Variants in SGCZ observed in about 807,000 individuals in gnomAD.
SGCZ encodes zeta-sarcoglycan.
Under a neutral mutation model 41.3 loss-of-function variants are expected in SGCZ, and 40 were observed. That is an observed-to-expected ratio of 0.97 (90% CI 0.75 to 1.26). The LOEUF (loss-of-function observed/expected upper bound fraction) is 1.26, where lower values mean the gene tolerates loss of function less well. SGCZ is among the 50% of genes most tolerant of loss of function. The pLI is 0.00. For synonymous variants in SGCZ, 206 were observed against 137.5 expected, an observed-to-expected ratio of 1.50 and a Z score of -3.49; for missense variants, 552 against 369.8, an observed-to-expected ratio of 1.49 and a Z score of -4.04.
chr8:14,939,461 A>T (rs945831607), intron 1 of SGCZ, among the ~76,000 whole-genome samples: 3 of 152,144 alleles, frequency 2.0e-5, no homozygotes, highest in African/African-American at 7.2e-5. Flanking sequence ...ACACTCCCCA[A>T]AACAAATTTA....
At chr8:14,315,697 A>G (rs1234195420) in intron 3 of SGCZ, among the ~76,000 whole-genome samples, 2 of 152,064 alleles carry the variant, frequency 1.3e-5, no homozygotes, top group Non-Finnish European at 2.9e-5. Flanking sequence ...TTGAAACAGA[A>G]AATATTGAAA....
intron 2 of SGCZ, among the ~76,000 whole-genome samples, chr8:14,441,610 C>G (rs1044279566): frequency 1.3e-5 from 2 of 152,064 alleles, no homozygotes; most frequent in African/African-American, 4.8e-5. Context: ...ATAAAATGAT[C>G]ATTTCATTTC....
At chr8:14,923,612 G>T (rs1032598687) in intron 1 of SGCZ, among the ~76,000 whole-genome samples, 2 of 152,110 alleles carry the variant, frequency 1.3e-5, no homozygotes, top group Non-Finnish European at 2.9e-5. Flanking sequence ...ACTGCATAAG[G>T]TAAGGGAATT....
intron 2 of SGCZ, among the ~76,000 whole-genome samples, chr8:14,415,336 T>C (rs893401795): frequency 5.9e-5 from 9 of 151,938 alleles, no homozygotes; most frequent in Non-Finnish European, 1.3e-4. Context: ...AATGCAAATG[T>C]ATTATACTTT....
intron 3 of SGCZ, among the ~76,000 whole-genome samples, chr8:14,280,945 G>GTT (rs67992912): frequency 1.3e-5 from 2 of 151,312 alleles, no homozygotes; most frequent in African/African-American, 4.8e-5. Flanking sequence ...GAATAAAAGT[G>GTT]TTTTTTCTAA....
intron 2 of SGCZ, among the ~76,000 whole-genome samples, chr8:14,538,811 T>G (rs941645047): frequency 6.6e-6 from 1 of 151,854 alleles, no homozygotes; most frequent in African/African-American, 2.4e-5. Context: ...TGTTAGGCAA[T>G]GAAGAGTCTT....
intron 1 of SGCZ, among the ~76,000 whole-genome samples, chr8:14,574,381 C>T (rs919615206): frequency 9.9e-5 from 15 of 152,090 alleles, no homozygotes; most frequent in Non-Finnish European, 2.1e-4. Context: ...TCCCTAAAGC[C>T]AGCCATAAAG....
chr8:14,857,702 A>C (rs1447061171), intron 1 of SGCZ, among the ~76,000 whole-genome samples: 2 of 151,916 alleles, frequency 1.3e-5, no homozygotes, highest in South Asian at 2.1e-4. Context: ...CTTCTCTACT[A>C]AAAATACAAA....
intron 1 of SGCZ, among the ~76,000 whole-genome samples, chr8:15,221,986 A>T (rs1395495898): frequency 6.6e-6 from 1 of 152,170 alleles, no homozygotes; most frequent in Non-Finnish European, 1.5e-5. Context: ...TAGCACTTAC[A>T]TTTCAAAATG....
In SGCZ at chr8:15,194,495, T is replaced by A. The variant is rs76961592; in HGVS notation, c.39+43090A>T. On this transcript the variant is annotated intron_variant, in intron 1 of 7. Transcript: ENST00000382080. ...TGTCACCTTACCTTGCAAAAGGGACTTTGCAGATGTCATTAAACTAAGGGC... is the reference window on the plus strand; with the variant it reads ...TGTCACCTTACCTTGCAAAAGGGACATTGCAGATGTCATTAAACTAAGGGC... Among the ~76,000 whole-genome samples, 161 of 152,280 alleles carry A rather than the reference T, an allele frequency of 1.1e-3. 1 individual carries two copies. The East Asian group carries it at 0.029, about 28-fold the overall frequency.
At chr8:14,680,706 A>T (rs913485874) in intron 1 of SGCZ, among the ~76,000 whole-genome samples, 1 of 150,864 alleles carries the variant, frequency 6.6e-6, no homozygotes, top group Non-Finnish European at 1.5e-5. Flanking sequence ...AATTAGTGAA[A>T]AAATACATTA....
At chr8:14,152,055 C>G (rs1340600102) in intron 5 of SGCZ, among the ~76,000 whole-genome samples, 1 of 151,826 alleles carries the variant, frequency 6.6e-6, no homozygotes, top group East Asian at 1.9e-4. Flanking sequence ...ACCAAAAGCA[C>G]AATTCATTTA....
At chr8:14,905,215 C>T (rs572729657) in intron 1 of SGCZ, among the ~76,000 whole-genome samples, 7 of 151,942 alleles carry the variant, frequency 4.6e-5, no homozygotes, top group African/African-American at 1.7e-4. Context: ...ACAAACACTT[C>T]CTTAATCATT....
chr8:14,698,598 A>C (rs181362516), intron 1 of SGCZ, among the ~76,000 whole-genome samples: 56 of 152,048 alleles, frequency 3.7e-4, no homozygotes, highest in African/African-American at 1.3e-3. Context: ...ACTTAATACA[A>C]ATTGCATGTT....
At chr8:14,722,455 T>A (rs1378744038) in intron 1 of SGCZ, among the ~76,000 whole-genome samples, 1 of 152,096 alleles carries the variant, frequency 6.6e-6, no homozygotes, top group Non-Finnish European at 1.5e-5. Context: ...ACTTTATTAT[T>A]ATAATAAAAC....
chr8:15,088,135 T>A (rs1227244170), intron 1 of SGCZ, among the ~76,000 whole-genome samples: 1 of 152,128 alleles, frequency 6.6e-6, no homozygotes, highest in Non-Finnish European at 1.5e-5. Context: ...GGCAGTGCAA[T>A]ATGCATGATA....
At chr8:14,599,789 C>T (rs1805529049) in intron 1 of SGCZ, among the ~76,000 whole-genome samples, 1 of 152,074 alleles carries the variant, frequency 6.6e-6, no homozygotes, top group Non-Finnish European at 1.5e-5. Context: ...TAAGTTGTTC[C>T]CTCTCTTCAG....
intron 5 of SGCZ, among the ~76,000 whole-genome samples, chr8:14,148,407 A>G (rs1344987639): frequency 6.6e-6 from 1 of 152,106 alleles, no homozygotes; most frequent in African/African-American, 2.4e-5. Flanking sequence ...ATGAGCAACT[A>G]TATGACAACA....
At chr8:14,903,475 G>T (rs1799032949) in intron 1 of SGCZ, among the ~76,000 whole-genome samples, 1 of 152,032 alleles carries the variant, frequency 6.6e-6, no homozygotes, top group Non-Finnish European at 1.5e-5. Context: ...AATGCAAATG[G>T]GTTATCTGGG....
Sources: gnomAD v4.1 joint callset for allele counts (sites outside exome capture counted in the v4.1 genomes callset) on GRCh38, gnomAD v4.1.1 for gene constraint, MANE v1.5 for transcripts, NCBI Gene and HGNC (gene_info 2026-07-23, HGNC 2026-07-21) for gene names.